Variants in RBMS3 observed in about 807,000 individuals in gnomAD.
RBMS3 encodes the protein RNA binding motif single stranded interacting protein 3.
RBMS3 carries 27 observed loss-of-function variants against 66.8 expected under a neutral mutation model. The ratio of observed to expected loss-of-function variants is 0.40; its 90% CI spans 0.30 to 0.56. The LOEUF is 0.56. RBMS3 is among the 20% of genes least tolerant of loss of function. The pLI is 0.40. For missense variants in RBMS3, 513 were observed against 549.5 expected (o/e 0.93, Z 0.66); for synonymous variants, 188 against 183.0 (o/e 1.03, Z -0.22).
intron 6 of RBMS3, among the ~76,000 whole-genome samples, chr3:29,843,572 C>T (rs996885669): frequency 2.0e-5 from 3 of 152,148 alleles, no homozygotes; most frequent in Admixed American, 6.5e-5. Context: ...TATCGAGCCA[C>T]GGACGTTGAC....
At chr3:29,613,808 C>T (rs191942427) in intron 4 of RBMS3, among the ~76,000 whole-genome samples, 5 of 152,046 alleles carry the variant, frequency 3.3e-5, no homozygotes, top group Admixed American at 3.3e-4. Flanking sequence ...CACCTCATAC[C>T]TGTCAGAATG....
At chr3:29,690,594 G>A (rs904778866) in intron 4 of RBMS3, among the ~76,000 whole-genome samples, 1 of 152,150 alleles carries the variant, frequency 6.6e-6, no homozygotes, top group African/African-American at 2.4e-5. Context: ...CAGTATTCAA[G>A]TGCTAAATTG....
At chr3:29,963,522 A>G (rs1696619073) in intron 12 of RBMS3, among the ~76,000 whole-genome samples, 2 of 152,192 alleles carry the variant, frequency 1.3e-5, no homozygotes, top group Admixed American at 1.3e-4. Flanking sequence ...CACTTAAGAG[A>G]ATCACAATGA....
intron 6 of RBMS3, among the ~76,000 whole-genome samples, chr3:29,782,316 A>G (rs2056664369): frequency 6.6e-6 from 1 of 152,210 alleles, no homozygotes. Flanking sequence ...AGGTGCTGGT[A>G]TCCAGAGCTA....
chr3:29,943,321 C>A (rs961020204), intron 11 of RBMS3, among the ~76,000 whole-genome samples: 1 of 151,786 alleles, frequency 6.6e-6, no homozygotes, highest in Non-Finnish European at 1.5e-5. Flanking sequence ...TAGAGTTTAC[C>A]CCTCCAAGGG....
rs3043392 is a variant in RBMS3 at position 29,488,422 on chromosome 3, T to TTC, written c.249-7_249-6dup. 5 of 1,587,168 alleles carry TTC rather than the reference T, an allele frequency of 3.2e-6. No individual in the cohort carries two copies. Among genetic ancestry groups the TTC allele is most frequent in the Non-Finnish European group, 4.3e-6 (5 of 1,157,458 alleles). ...ATGGGTTACAATAACATGGGTTTTT[T>TTC]TCTCTCTCTCTCTTTCAGGTATGGA... is the stretch of plus-strand genomic sequence containing the variant. On this transcript the variant is annotated intron_variant, in intron 2 of 14. Coordinates refer to ENST00000383767, the MANE Select transcript of RBMS3 (RefSeq NM_001003793.3).
At chr3:29,916,509 G>A (rs1268360044) in intron 10 of RBMS3, among the ~76,000 whole-genome samples, 1 of 151,758 alleles carries the variant, frequency 6.6e-6, no homozygotes, top group Admixed American at 6.6e-5. Flanking sequence ...GACTGTTCAG[G>A]GGAAGGACAT....
At chr3:29,989,954 A>T (rs1297664212) in intron 13 of RBMS3, among the ~76,000 whole-genome samples, 1 of 152,178 alleles carries the variant, frequency 6.6e-6, no homozygotes, top group African/African-American at 2.4e-5. Context: ...CATTTTGATG[A>T]TTATTATGAG....
chr3:29,700,524 A>T (rs1365197113), intron 4 of RBMS3, among the ~76,000 whole-genome samples: 1 of 152,196 alleles, frequency 6.6e-6, no homozygotes, highest in Non-Finnish European at 1.5e-5. Context: ...TCCAAGTATA[A>T]ATAGCAAATT....
intron 4 of RBMS3, among the ~76,000 whole-genome samples, chr3:29,717,865 C>T (rs2053468971): frequency 6.6e-6 from 1 of 152,036 alleles, no homozygotes; most frequent in African/African-American, 2.4e-5. Flanking sequence ...TTTTCTGCAT[C>T]CTTAACATCA....
chr3:29,588,681 T>C (rs9828668), intron 4 of RBMS3, among the ~76,000 whole-genome samples: 22,748 of 152,036 alleles, frequency 0.15, 1,956 homozygotes, highest in East Asian at 0.32. Context: ...ATCAAGATTA[T>C]GCCTAGAAGC....
intron 7 of RBMS3, among the ~76,000 whole-genome samples, 153 bp downstream of exon 7, chr3:29,869,117 T>A (rs1254994490): frequency 6.6e-6 from 1 of 152,134 alleles, no homozygotes; most frequent in Middle Eastern, 3.2e-3. Flanking sequence ...TGTTAATGTG[T>A]TCTAGATGAA....
At chr3:29,906,722 C>T (rs878883635) in intron 10 of RBMS3, among the ~76,000 whole-genome samples, 1 of 151,452 alleles carries the variant, frequency 6.6e-6, no homozygotes, top group Non-Finnish European at 1.5e-5. Context: ...TATAAAATAC[C>T]CATTTCCTCT....
chr3:29,398,265 T>A (rs1366383883), intron 1 of RBMS3, among the ~76,000 whole-genome samples: 2 of 152,184 alleles, frequency 1.3e-5, no homozygotes, highest in Admixed American at 6.5e-5. Context: ...GTTATTTCTT[T>A]AATTTCACTT....
intron 4 of RBMS3, among the ~76,000 whole-genome samples, chr3:29,711,598 G>T (rs966104008): frequency 2.0e-5 from 3 of 152,110 alleles, no homozygotes; most frequent in African/African-American, 7.2e-5. Flanking sequence ...AAACTTCAGA[G>T]CCAAGCAGGG....
At chr3:29,716,991 A>G (rs951486097) in intron 4 of RBMS3, among the ~76,000 whole-genome samples, 1 of 151,988 alleles carries the variant, frequency 6.6e-6, no homozygotes, top group African/African-American at 2.4e-5. Context: ...ATTTTGGCAC[A>G]TATATTTTGG....
At chr3:29,714,562 T>A (rs1446156118) in intron 4 of RBMS3, among the ~76,000 whole-genome samples, 1 of 152,174 alleles carries the variant, frequency 6.6e-6, no homozygotes, top group Admixed American at 6.6e-5. Context: ...AACATAACCT[T>A]GTAGGGATCA....
chr3:29,625,700 G>A (rs904970177), intron 4 of RBMS3, among the ~76,000 whole-genome samples: 4 of 139,918 alleles, frequency 2.9e-5, no homozygotes, highest in Non-Finnish European at 3.1e-5. Flanking sequence ...CGCCATTAAA[G>A]TAAATAAATA....
chr3:29,676,289 G>C (rs925499545), intron 4 of RBMS3, among the ~76,000 whole-genome samples: 2 of 152,138 alleles, frequency 1.3e-5, no homozygotes, highest in African/African-American at 2.4e-5. Flanking sequence ...GTGGGGGAAG[G>C]GGGGAAGGAT....
Sources: allele counts gnomAD v4.1 joint callset (sites outside exome capture counted in the v4.1 genomes callset), GRCh38; gene constraint gnomAD v4.1.1; transcripts MANE v1.5; gene names NCBI Gene and HGNC (gene_info 2026-07-23, HGNC 2026-07-21).